ASTN1: variants seen among roughly 807,000 people sequenced by gnomAD.
ASTN1 encodes astrotactin-1.
ASTN1 carries 41 observed loss-of-function variants against 140.7 expected under a neutral mutation model. The observed-to-expected ratio is 0.29, with a 90% CI of 0.23 to 0.38. ASTN1 has a LOEUF of 0.38. Ranked by LOEUF, ASTN1 falls within the 10% of genes least tolerant of loss-of-function variation. The pLI, the probability that ASTN1 is intolerant of heterozygous loss-of-function variation, is 1.00. For synonymous variants in ASTN1, 640 were observed against 652.2 expected (o/e 0.98, Z 0.29); for missense variants, 1,479 against 1,678.8 (o/e 0.88, Z 2.08).
intron 1 of ASTN1, among the ~76,000 whole-genome samples, chr1:177,135,569 G>A (rs1682154321): frequency 6.6e-6 from 1 of 152,106 alleles, no homozygotes. Flanking sequence ...AACAGGAAGT[G>A]GCTTGCCAAA....
intron 16 of ASTN1, among the ~76,000 whole-genome samples, chr1:176,900,553 G>A (rs942424483): frequency 6.6e-6 from 1 of 151,938 alleles, no homozygotes; most frequent in Admixed American, 6.6e-5. Flanking sequence ...CCATGCCCAC[G>A]GCCACTCAAG....
downstream of ASTN1, among the ~76,000 whole-genome samples, chr1:176,858,970 T>G (rs1395991976): frequency 6.6e-6 from 1 of 152,230 alleles, no homozygotes; most frequent in Non-Finnish European, 1.5e-5. Context: ...AGACTCTGCT[T>G]CTTCTTTCTT....
At chr1:176,961,798 T>C (rs577173701) in intron 9 of ASTN1, among the ~76,000 whole-genome samples, 104 of 152,268 alleles carry the variant, frequency 6.8e-4, no homozygotes, top group African/African-American at 2.2e-3. Context: ...CAGGAACAAC[T>C]TCAAAAAGCT....
At chr1:176,870,564 A>C (rs1439265522) in intron 21 of ASTN1, among the ~76,000 whole-genome samples, 2 of 152,180 alleles carry the variant, frequency 1.3e-5, no homozygotes, top group African/African-American at 4.8e-5. Flanking sequence ...GTAGATCCAA[A>C]AATGTTACCT....
intron 1 of ASTN1, among the ~76,000 whole-genome samples, chr1:177,136,641 A>G (rs2102214576): frequency 6.6e-6 from 1 of 152,294 alleles, no homozygotes; most frequent in East Asian, 1.9e-4. Flanking sequence ...GGCGTCAGCC[A>G]CTGTGCCTGG....
intron 1 of ASTN1, among the ~76,000 whole-genome samples, chr1:177,145,253 A>G (rs1311823201): frequency 6.6e-6 from 1 of 152,176 alleles, no homozygotes; most frequent in Non-Finnish European, 1.5e-5. Flanking sequence ...AACAACAGCT[A>G]TCTCCTACCC....
chr1:177,037,191 G>A (rs1168789615), intron 2 of ASTN1, among the ~76,000 whole-genome samples: 51 of 152,154 alleles, frequency 3.4e-4, no homozygotes, highest in Admixed American at 3.3e-3. Context: ...CATGGATACT[G>A]TAGGATTTTC....
chr1:176,897,090 C>T (rs991938813), intron 16 of ASTN1, among the ~76,000 whole-genome samples: 1 of 152,054 alleles, frequency 6.6e-6, no homozygotes, highest in African/African-American at 2.4e-5. Flanking sequence ...GCCTGGCCAA[C>T]ATGGTGAAAC....
chr1:177,005,245 T>C (rs974305105), intron 8 of ASTN1, among the ~76,000 whole-genome samples: 4 of 152,118 alleles, frequency 2.6e-5, no homozygotes, highest in Non-Finnish European at 2.9e-5. Context: ...ACATTATTAA[T>C]CATCGGGGAA....
intron 1 of ASTN1, among the ~76,000 whole-genome samples, chr1:177,138,133 C>T (rs565693355): frequency 6.6e-6 from 1 of 152,270 alleles, no homozygotes; most frequent in Non-Finnish European, 1.5e-5. Flanking sequence ...GGGAACCCAA[C>T]CATCAGGGAG....
chr1:176,932,655 C>T (rs1280980247), intron 16 of ASTN1, among the ~76,000 whole-genome samples: 2 of 152,180 alleles, frequency 1.3e-5, no homozygotes, highest in African/African-American at 4.8e-5. Flanking sequence ...CAAAACTAGC[C>T]CCTGATTGGC....
In ASTN1 at chr1:176,882,821, C is replaced by T. The variant is rs769242481; in HGVS notation, c.3362+38G>A. 2.5e-6 allele frequency: 4 copies of T among 1,612,150 alleles called. No homozygotes were observed. The African/African-American group carries it at 4.0e-5, about 16-fold the overall frequency. ...AACCGGTAAGAAGCCTTGGGACTGT[C>T]AGGGTAAGAAGTCACTAGGTAGGTG... On this transcript the variant is annotated intron_variant, in intron 20 of 22. Coordinates refer to ENST00000361833, the MANE Select transcript of ASTN1 (RefSeq NM_004319.3).
intron 16 of ASTN1, among the ~76,000 whole-genome samples, chr1:176,923,733 C>T (rs983753244): frequency 6.6e-6 from 1 of 152,008 alleles, no homozygotes; most frequent in Non-Finnish European, 1.5e-5. Flanking sequence ...ATTCAAGGTT[C>T]CAGGCATCCA....
At chr1:177,115,429 T>C (rs1681035449) in intron 1 of ASTN1, among the ~76,000 whole-genome samples, 1 of 152,250 alleles carries the variant, frequency 6.6e-6, no homozygotes, top group East Asian at 1.9e-4. Flanking sequence ...CCCAGCACTT[T>C]GGGAGGCCAA....
chr1:176,997,843 T>G (rs1201732866), intron 8 of ASTN1, among the ~76,000 whole-genome samples: 1 of 152,068 alleles, frequency 6.6e-6, no homozygotes, highest in Non-Finnish European at 1.5e-5. Context: ...AAAGGCTTTA[T>G]GATGGAGCAG....
intron 1 of ASTN1, among the ~76,000 whole-genome samples, chr1:177,091,839 A>G (rs1679769224): frequency 6.6e-6 from 1 of 152,182 alleles, no homozygotes; most frequent in Non-Finnish European, 1.5e-5. Context: ...TTTATGATTC[A>G]TACATGTTGT....
At chr1:177,025,889 T>C (rs367779714) in intron 5 of ASTN1, among the ~76,000 whole-genome samples, 2 of 152,248 alleles carry the variant, frequency 1.3e-5, no homozygotes, top group South Asian at 4.2e-4. Flanking sequence ...TCCCCAGTCT[T>C]AGGAGGCAGC....
chr1:177,035,084 C>G (rs1676649337), intron 2 of ASTN1, among the ~76,000 whole-genome samples: 1 of 152,210 alleles, frequency 6.6e-6, no homozygotes. Context: ...CATGCTTTTA[C>G]CATGTACCAG....
chr1:176,868,595 G>T (rs539302765), intron 22 of ASTN1, among the ~76,000 whole-genome samples: 1 of 152,234 alleles, frequency 6.6e-6, no homozygotes, highest in South Asian at 2.1e-4. Context: ...TAAAAAAGGA[G>T]GGCAAAATAG....
Sources: gnomAD v4.1 joint callset for allele counts (sites outside exome capture counted in the v4.1 genomes callset) on GRCh38, gnomAD v4.1.1 for gene constraint, MANE v1.5 for transcripts, NCBI Gene and HGNC (gene_info 2026-07-23, HGNC 2026-07-21) for gene names.